Variants in PVT1 observed in about 807,000 individuals in gnomAD.
PVT1 encodes the protein Pvt1 oncogene, also known as CXCR4/PVT1 fusion.
intron 2 of PVT1, among the ~76,000 whole-genome samples, chr8:127,880,926 G>C (rs1815459465): frequency 6.6e-6 from 1 of 152,214 alleles, no homozygotes; most frequent in Non-Finnish European, 1.5e-5. Context: ...GCGATGTTGA[G>C]TTCCCAAGCA....
At chr8:127,828,477 C>A (rs1445525474) in intron 2 of PVT1, among the ~76,000 whole-genome samples, 1 of 152,156 alleles carries the variant, frequency 6.6e-6, no homozygotes, top group Non-Finnish European at 1.5e-5. Context: ...GAAGCACAAG[C>A]CCTGTGTTGT....
intron 3 of PVT1, among the ~76,000 whole-genome samples, chr8:127,966,639 G>T (rs936910045): frequency 6.6e-6 from 1 of 152,178 alleles, no homozygotes; most frequent in Non-Finnish European, 1.5e-5. Flanking sequence ...TTGACCTGGG[G>T]CTGTAGCAGC....
chr8:128,038,709 G>C (rs1163717512), intron 4 of PVT1, among the ~76,000 whole-genome samples: 1 of 152,104 alleles, frequency 6.6e-6, no homozygotes, highest in Non-Finnish European at 1.5e-5. Flanking sequence ...GCAAAAATAT[G>C]CTCTGCAGTA....
intron 3 of PVT1, among the ~76,000 whole-genome samples, chr8:127,980,148 C>G (rs1327610069): frequency 6.6e-6 from 1 of 152,138 alleles, no homozygotes. Flanking sequence ...TCCTGAAGCG[C>G]TGGGATTATA....
intron 2 of PVT1, among the ~76,000 whole-genome samples, chr8:127,824,331 CCCCT>C (rs1297920061): frequency 1.3e-5 from 2 of 152,158 alleles, no homozygotes; most frequent in Non-Finnish European, 2.9e-5. Context: ...GTTCCTCAGG[CCCCT>C]CCCTTGGGGC....
intron 3 of PVT1, among the ~76,000 whole-genome samples, chr8:127,980,819 A>G (rs1232282078): frequency 7.4e-6 from 1 of 135,626 alleles, no homozygotes; most frequent in Admixed American, 7.9e-5. Context: ...TTTGTTTGAG[A>G]CAGAGTCTCG....
intron 3 of PVT1, among the ~76,000 whole-genome samples, chr8:127,918,382 T>C (rs1317006514): frequency 6.6e-6 from 1 of 152,152 alleles, no homozygotes; most frequent in Non-Finnish European, 1.5e-5. Flanking sequence ...TCCACGGACT[T>C]GCTCGGTGAA....
At chr8:127,822,412 A>C (rs961573409) in intron 2 of PVT1, among the ~76,000 whole-genome samples, 3 of 152,204 alleles carry the variant, frequency 2.0e-5, no homozygotes, top group African/African-American at 7.2e-5. Context: ...TCCCATATCT[A>C]CTAAAAATAC....
At chr8:128,046,471 A>T (rs1294854514) in intron 4 of PVT1, among the ~76,000 whole-genome samples, 1 of 152,208 alleles carries the variant, frequency 6.6e-6, no homozygotes, top group African/African-American at 2.4e-5. Context: ...TGCCTTGTGG[A>T]ATGTTCTTAG....
At chr8:128,023,692 T>C (rs1817463094) in intron 4 of PVT1, among the ~76,000 whole-genome samples, 1 of 152,238 alleles carries the variant, frequency 6.6e-6, no homozygotes, top group Non-Finnish European at 1.5e-5. Flanking sequence ...TGCCACTCAC[T>C]TGAAATTCTT....
At chr8:127,932,657 G>A in intron 3 of PVT1, 1 of 397,574 alleles carries the variant, frequency 2.5e-6, no homozygotes. Flanking sequence ...CAGCTTCAAG[G>A]CCCCTTCTTT....
chr8:127,991,385 C>T (rs1586470940), intron 4 of PVT1, among the ~76,000 whole-genome samples: 1 of 152,054 alleles, frequency 6.6e-6, no homozygotes, highest in South Asian at 2.1e-4. Flanking sequence ...ACCTTGTGAT[C>T]TGCCCGCCTT....
chr8:127,865,904 G>T (rs1815281864), intron 2 of PVT1, among the ~76,000 whole-genome samples: 1 of 152,196 alleles, frequency 6.6e-6, no homozygotes, highest in Admixed American at 6.5e-5. Context: ...ACCCTTGTTT[G>T]GGTGTGATCA....
chr8:127,954,464 T>C (rs1816545492), intron 3 of PVT1, among the ~76,000 whole-genome samples: 1 of 152,000 alleles, frequency 6.6e-6, no homozygotes, highest in African/African-American at 2.4e-5. Context: ...CCAGCTAATT[T>C]TTGTATTTTT....
chr8:127,954,699 G>C (rs1816548472), intron 3 of PVT1, among the ~76,000 whole-genome samples: 1 of 152,148 alleles, frequency 6.6e-6, no homozygotes, highest in Non-Finnish European at 1.5e-5. Flanking sequence ...CCCAGGGAGT[G>C]GCTTCCCCAA....
chr8:127,815,547 G>C (rs889096536), intron 2 of PVT1, among the ~76,000 whole-genome samples: 1 of 152,056 alleles, frequency 6.6e-6, no homozygotes, highest in Non-Finnish European at 1.5e-5. Flanking sequence ...CAGTGCTTTC[G>C]GCAGCTTGAT....
intron 2 of PVT1, among the ~76,000 whole-genome samples, chr8:127,833,454 T>C (rs1345553736): frequency 1.0e-5 from 1 of 99,518 alleles, no homozygotes; most frequent in African/African-American, 5.2e-5. Context: ...TGAAAACTGC[T>C]TTATGGATTT....
intron 2 of PVT1, among the ~76,000 whole-genome samples, chr8:127,800,558 A>C (rs546931672): frequency 6.6e-6 from 1 of 152,198 alleles, no homozygotes; most frequent in African/African-American, 2.4e-5. Context: ...TATTATTATT[A>C]TATTATTCTC....
intron 2 of PVT1, among the ~76,000 whole-genome samples, chr8:127,869,366 G>A (rs1176651660): frequency 5.9e-5 from 9 of 151,952 alleles, no homozygotes. Context: ...CCTGACCTCA[G>A]GTGATGCACC....
Sources: allele counts gnomAD v4.1 joint callset (sites outside exome capture counted in the v4.1 genomes callset), GRCh38; gene constraint gnomAD v4.1.1; transcripts MANE v1.5; gene names NCBI Gene and HGNC (gene_info 2026-07-23, HGNC 2026-07-21).